ZBTB26: variants seen among roughly 807,000 people sequenced by gnomAD.
The protein encoded by ZBTB26 is zinc finger and BTB domain containing 26.
In ZBTB26, 12 loss-of-function variants were observed where a neutral mutation model predicts 31.6. The ratio of observed to expected loss-of-function variants is 0.38; its 90% CI spans 0.24 to 0.61. The LOEUF is 0.61. ZBTB26 is among the 20% of genes least tolerant of loss of function. ZBTB26 has a pLI of 0.60. For missense variants in ZBTB26, 311 were observed against 521.9 expected (o/e 0.60, Z 3.94); for synonymous variants, 155 against 182.9 (o/e 0.85, Z 1.23).
chr9:122,916,231 C>T lies in ZBTB26; in HGVS notation c.*2378G>A, dbSNP rs1331532119. 6.6e-5 allele frequency: 10 copies of T among 152,172 alleles called. No homozygotes were observed. Among genetic ancestry groups the T allele is most frequent in the Admixed American group, 6.5e-4 (10 of 15,286 alleles). 9.4% of individuals were successfully genotyped at this position (152,172 alleles called of 1,614,324 possible). On this transcript the variant is annotated 3_prime_UTR_variant, in exon 2 of 2. Transcript: ENST00000373656. Reference sequence around the variant, plus strand: ...CACAAAGTTGCTGATTTTAACTGATCGAATACAGCAAGGCAGCTTTCTTTA... The same window carrying T: ...CACAAAGTTGCTGATTTTAACTGATTGAATACAGCAAGGCAGCTTTCTTTA...
At position 122,918,982 on chromosome 9, in the gene ZBTB26, C is replaced by T. The variant is rs1833055943; in HGVS notation, c.953G>A (p.Arg318His). The T allele has an allele frequency of 3.1e-6, 5 of 1,614,088 alleles. No individual in the cohort carries two copies. The highest frequency in any genetic ancestry group is 1.3e-5 in the African/African-American group (1 of 74,924). Residue 318 changes from arginine (R) to histidine (H), a missense_variant, in exon 2 of 2, where the codon CGT becomes CAT. Coordinates refer to ENST00000373656, the MANE Select transcript of ZBTB26 (RefSeq NM_020924.4). ...TQKGNLHRHM[R>H]VHAGIKPFQC... Reference sequence around the variant, plus strand: ...GAAAGGTTTAATTCCGGCATGCACACGCATGTGTCGATGAAGGTTGCCTTT... The same window carrying T: ...GAAAGGTTTAATTCCGGCATGCACATGCATGTGTCGATGAAGGTTGCCTTT...
At chr9:122,926,963 A>C (rs1833192567) in intron 1 of ZBTB26, among the ~76,000 whole-genome samples, 1 of 152,178 alleles carries the variant, frequency 6.6e-6, no homozygotes, top group African/African-American at 2.4e-5. Context: ...AATCACTCAG[A>C]TAATTCTAGG....
intron 1 of ZBTB26, among the ~76,000 whole-genome samples, chr9:122,920,606 T>TG (rs1833080793): frequency 6.6e-6 from 1 of 152,224 alleles, no homozygotes; most frequent in African/African-American, 2.4e-5. Flanking sequence ...ATTTCTGCAA[T>TG]AAAATGAAAG....
At position 122,923,141 on chromosome 9, in the gene ZBTB26, G is replaced by T. The variant is rs556149453; in HGVS notation, c.-10-3197C>A. On this transcript the variant is annotated intron_variant, in intron 1 of 1. Coordinates refer to ENST00000373656, the MANE Select transcript of ZBTB26 (RefSeq NM_020924.4). The stretch of plus-strand genomic sequence containing the variant: ...GGAGGTTGCAGTGAGCCGAGATTGC[G>T]CCTCTGCACTCCAGCCTAGGCAACA... Among the ~76,000 whole-genome samples, 13 of 138,578 alleles carry T rather than the reference G, an allele frequency of 9.4e-5. No individual in the cohort carries two copies. The Admixed American group carries it at 9.7e-4, about 10-fold the overall frequency. 90.9% of individuals were successfully genotyped at this position (138,578 alleles called of 152,430 possible).
chr9:122,930,057 G>A (rs1274711540), intron 1 of ZBTB26, among the ~76,000 whole-genome samples: 2 of 151,812 alleles, frequency 1.3e-5, no homozygotes, highest in African/African-American at 4.8e-5. Context: ...TCTTCCTGAT[G>A]CCAGCTATTG....
Position 122,915,841 on chromosome 9 carries a change from A to G in ZBTB26, c.*2768T>C, listed in dbSNP as rs1259939045. ...TAAATAATAAATAAATAACTGACAG[A>G]GTAATTTTTTTTTAAACCAAACTAT... is the stretch of plus-strand genomic sequence containing the variant. On this transcript the variant is annotated 3_prime_UTR_variant, in exon 2 of 2. Coordinates refer to ENST00000373656, the MANE Select transcript of ZBTB26 (RefSeq NM_020924.4). 1 of 152,232 alleles carries G rather than the reference A, an allele frequency of 6.6e-6. No individual in the cohort carries two copies. Among genetic ancestry groups the G allele is most frequent in the African/African-American group, 2.4e-5 (1 of 41,462 alleles). The allele number at this position is 152,232 out of a possible 1,614,324, so 9.4% of individuals were successfully genotyped here.
intron 1 of ZBTB26, among the ~76,000 whole-genome samples, chr9:122,925,265 T>G (rs1833159433): frequency 6.6e-6 from 1 of 152,036 alleles, no homozygotes; most frequent in African/African-American, 2.4e-5. Flanking sequence ...CCCAGCTTCT[T>G]GGGAGGCTGA....
intron 1 of ZBTB26, among the ~76,000 whole-genome samples, chr9:122,928,504 T>C (rs1833218548): frequency 1.3e-5 from 2 of 152,170 alleles, no homozygotes; most frequent in Non-Finnish European, 2.9e-5. Context: ...TATGTGGAAG[T>C]GGGCAAATTA....
rs1338724949 is a variant in ZBTB26, at chr9:122,917,475, C to G, written c.*1134G>C. ...ACAACATGTGTTTTAGGAAAAAGAG[C>G]TGTTTTGTTTTTCCTTTTTGAAAAT... On this transcript the variant is annotated 3_prime_UTR_variant, in exon 2 of 2. Transcript: ENST00000373656. 6.6e-6 allele frequency: 1 copy of G among 152,168 alleles called. No individual in the cohort carries two copies. Among genetic ancestry groups the G allele is most frequent in the Non-Finnish European group, 1.5e-5 (1 of 68,018 alleles). 9.4% of individuals were successfully genotyped at this position (152,168 alleles called of 1,614,324 possible).
rs572447790 is a variant in ZBTB26, at chr9:122,925,717, G to T, written c.-11+5720C>A. On this transcript the variant is annotated intron_variant, in intron 1 of 1. Coordinates refer to ENST00000373656, the MANE Select transcript of ZBTB26 (RefSeq NM_020924.4). ...GGGTTCAAGTGATTCTCCTGCCTCAGCCTCCTGAGTAGCTGGGATTACAGG... is the reference window on the plus strand; with the variant it reads ...GGGTTCAAGTGATTCTCCTGCCTCATCCTCCTGAGTAGCTGGGATTACAGG... Among the ~76,000 whole-genome samples the T allele has an allele frequency of 1.3e-4, 20 of 150,740 alleles. No homozygotes were observed. In the South Asian group the frequency reaches 4.2e-3, roughly 32 times the overall value.
intron 1 of ZBTB26, among the ~76,000 whole-genome samples, chr9:122,929,803 C>T (rs1313815059): frequency 6.6e-6 from 1 of 152,146 alleles, no homozygotes; most frequent in African/African-American, 2.4e-5. Context: ...TCACTAATGA[C>T]CTCTTCATAA....
chr9:122,927,650 G>A (rs942688078), intron 1 of ZBTB26, among the ~76,000 whole-genome samples: 4 of 152,004 alleles, frequency 2.6e-5, no homozygotes, highest in Non-Finnish European at 5.9e-5. Flanking sequence ...TTCATGACAC[G>A]ATACTCTCCA....
intron 1 of ZBTB26, among the ~76,000 whole-genome samples, chr9:122,921,074 T>A (rs1469281895): frequency 6.6e-6 from 1 of 152,206 alleles, no homozygotes; most frequent in East Asian, 1.9e-4. Flanking sequence ...AGGTAAACAC[T>A]GGAAAAACCC....
At chr9:122,925,424 C>T (rs1239731428) in intron 1 of ZBTB26, among the ~76,000 whole-genome samples, 1 of 152,144 alleles carries the variant, frequency 6.6e-6, no homozygotes, top group Non-Finnish European at 1.5e-5. Context: ...AAAATTTCTA[C>T]AGGTAAGTAT....
Position 122,919,961 on chromosome 9 carries a change from TA to T in ZBTB26, c.-10-18del. ...TTGGCAGACCTAAAGAACAGAAATG[TA>T]AAAAGGTTGAATTTAAGGAAACTCA... On this transcript the variant is annotated intron_variant, in intron 1 of 1. Transcript: ENST00000373656. The surrounding 1 kb of genome is among the most constrained non-coding windows in gnomAD (Gnocchi z 6.1). 6.5e-7 allele frequency: 1 copy of T among 1,533,182 alleles called. No homozygotes were observed. The highest frequency in any genetic ancestry group is 1.3e-5 in the South Asian group (1 of 75,158). The allele number at this position is 1,533,182 out of a possible 1,614,324, so 95.0% of individuals were successfully genotyped here.
intron 1 of ZBTB26, among the ~76,000 whole-genome samples, chr9:122,927,988 C>T (rs1449039902): frequency 6.6e-6 from 1 of 152,050 alleles, no homozygotes; most frequent in Non-Finnish European, 1.5e-5. Flanking sequence ...GCATGCACCA[C>T]CAAGCCCGGA....
chr9:122,921,640 C>T (rs1169595238), intron 1 of ZBTB26, among the ~76,000 whole-genome samples: 1 of 152,194 alleles, frequency 6.6e-6, no homozygotes, highest in African/African-American at 2.4e-5. Context: ...GTTTAAAACA[C>T]TACTTTCTAG....
chr9:122,925,961 T>C (rs1375136626), intron 1 of ZBTB26, among the ~76,000 whole-genome samples: 1 of 151,952 alleles, frequency 6.6e-6, no homozygotes, highest in East Asian at 1.9e-4. Context: ...GGTTTCTTCA[T>C]GTTGGTCAGG....
In ZBTB26 at chr9:122,916,935, A is replaced by G. The variant is rs1015100930; in HGVS notation, c.*1674T>C. ...CATAGCTCAAAAATAAAAACAGAAA[A>G]TCCTGATGGAAACTAATAAACAGTT... On this transcript the variant is annotated 3_prime_UTR_variant, in exon 2 of 2. Transcript: ENST00000373656. The G allele has an allele frequency of 2.0e-5, 3 of 152,312 alleles. 1 individual carries two copies. The South Asian group carries it at 6.2e-4, about 32-fold the overall frequency. 9.4% of individuals were successfully genotyped at this position (152,312 alleles called of 1,614,324 possible). A position where few individuals can be genotyped will look rare whatever the true frequency, so the allele number is the denominator to read the frequency against.
Sources: gnomAD v4.1 joint callset for allele counts (sites outside exome capture counted in the v4.1 genomes callset) on GRCh38, gnomAD v4.1.1 for gene constraint, Gnocchi (gnomAD v3.1) non-coding constraint, MANE v1.5 for transcripts, NCBI Gene and HGNC (gene_info 2026-07-23, HGNC 2026-07-21) for gene names.